Variants in DCP2 observed in about 807,000 individuals in gnomAD.
DCP2 encodes m7GpppN-mRNA hydrolase.
A neutral mutation model predicts 56.1 loss-of-function variants in DCP2; 30 were observed. The observed-to-expected ratio is 0.53, with a 90% CI of 0.40 to 0.73. The LOEUF (loss-of-function observed/expected upper bound fraction) is 0.73. DCP2 is among the 30% of genes least tolerant of loss of function. The probability of loss-of-function intolerance (pLI) is 0.00; values close to 1 mark genes in which losing one functional copy is unlikely to be tolerated. For missense variants in DCP2, 533 were observed against 502.7 expected, an observed-to-expected ratio of 1.06 and a Z score of -0.58; for synonymous variants, 197 against 163.3, an observed-to-expected ratio of 1.21 and a Z score of -1.57.
At chr5:113,003,163 T>TG (rs11482276) in intron 7 of DCP2, among the ~76,000 whole-genome samples, 113,849 of 151,614 alleles carry the variant, frequency 0.75, 42,946 homozygotes, top group African/African-American at 0.81. Flanking sequence ...AGTCAAAAGC[T>TG]GACTAATTCC....
Position 113,009,977 on chromosome 5 carries a change from T to C in DCP2, c.1048-779T>C, listed in dbSNP as rs190069785. 5.3e-5 allele frequency among the ~76,000 whole-genome samples: 8 copies of C among 150,172 alleles called. No individual in the cohort carries two copies. The East Asian group carries it at 1.6e-3, about 29-fold the overall frequency. On this transcript the variant is annotated intron_variant, in intron 9 of 10. Coordinates refer to ENST00000389063, the MANE Select transcript of DCP2 (RefSeq NM_152624.6). ...CTGTCGTCTAGAGTACAATGGCACG[T>C]ACATTGTTTACTGTAGCCTTGAACT... is the stretch of plus-strand genomic sequence containing the variant.
intron 9 of DCP2, among the ~76,000 whole-genome samples, chr5:113,010,017 A>G (rs1580835479): frequency 7.2e-6 from 1 of 139,034 alleles, no homozygotes; most frequent in African/African-American, 2.7e-5. Context: ...GGCTCAAGCC[A>G]TTTTCTTGCC....
At chr5:112,988,291 G>C (rs1196864116) in intron 2 of DCP2, among the ~76,000 whole-genome samples, 1 of 149,798 alleles carries the variant, frequency 6.7e-6, no homozygotes. Flanking sequence ...GACCATCCTG[G>C]CCAACACAGT....
intron 10 of DCP2, among the ~76,000 whole-genome samples, chr5:113,012,000 G>A (rs1286484054): frequency 2.0e-5 from 3 of 152,190 alleles, no homozygotes; most frequent in Non-Finnish European, 4.4e-5. Flanking sequence ...GAAAAGTTAT[G>A]GGGGTATAAG....
chr5:112,981,229 C>G (rs528869141), intron 1 of DCP2, among the ~76,000 whole-genome samples: 1 of 152,146 alleles, frequency 6.6e-6, no homozygotes, highest in African/African-American at 2.4e-5. Context: ...TGGTCTCAAA[C>G]GTACTTGTAG....
chr5:113,007,595 T>C (rs1580831486), intron 8 of DCP2, among the ~76,000 whole-genome samples: 1 of 151,702 alleles, frequency 6.6e-6, no homozygotes, highest in Non-Finnish European at 1.5e-5. Flanking sequence ...AGAGACGGGG[T>C]TTTGCTGTGT....
At chr5:113,011,414 C>T (rs1466043358) in intron 10 of DCP2, among the ~76,000 whole-genome samples, 1 of 152,130 alleles carries the variant, frequency 6.6e-6, no homozygotes, top group African/African-American at 2.4e-5. Context: ...GTAGAAAGCT[C>T]TTTGTTAAAT....
At chr5:112,983,545 A>G (rs1460375635) in intron 1 of DCP2, among the ~76,000 whole-genome samples, 2 of 152,226 alleles carry the variant, frequency 1.3e-5, no homozygotes, top group Non-Finnish European at 2.9e-5. Context: ...GACTCACAGT[A>G]GGATTGACTT....
intron 8 of DCP2, among the ~76,000 whole-genome samples, chr5:113,007,676 C>T (rs10038518): frequency 0.056 from 8,561 of 151,916 alleles, 788 homozygotes; most frequent in African/African-American, 0.2. Flanking sequence ...GGATTACAGG[C>T]ATGAGCCACT....
chr5:112,986,286 C>A (rs1277746629), intron 2 of DCP2, among the ~76,000 whole-genome samples: 1 of 151,954 alleles, frequency 6.6e-6, no homozygotes, highest in African/African-American at 2.4e-5. Flanking sequence ...CTGCATGTAA[C>A]CAGATGATCT....
intron 4 of DCP2, among the ~76,000 whole-genome samples, chr5:112,994,651 A>T (rs1226890482): frequency 1.3e-5 from 2 of 152,204 alleles, no homozygotes; most frequent in Admixed American, 1.3e-4. Context: ...TTTATCATGT[A>T]TCACACAATT....
chr5:113,008,168 T>C, intron 9 of DCP2, 126 bp downstream of exon 9: 1 of 756,676 alleles, frequency 1.3e-6, no homozygotes, highest in East Asian at 2.6e-5. Context: ...AGTAGGATTT[T>C]TGTGTAGCTG....
intron 7 of DCP2, among the ~76,000 whole-genome samples, chr5:113,002,765 C>G (rs1007375060): frequency 6.6e-6 from 1 of 152,168 alleles, no homozygotes; most frequent in Non-Finnish European, 1.5e-5. Context: ...TCCAGTGATC[C>G]TCCTGCCTCA....
intron 4 of DCP2, among the ~76,000 whole-genome samples, chr5:112,993,120 C>G (rs1748673556): frequency 6.6e-6 from 1 of 152,092 alleles, no homozygotes; most frequent in African/African-American, 2.4e-5. Context: ...GGCTTCCTGA[C>G]AAGTGCACAA....
intron 10 of DCP2, 103 bp downstream of exon 10, chr5:113,010,910 A>C: frequency 8.1e-7 from 1 of 1,230,710 alleles, no homozygotes; most frequent in East Asian, 2.4e-5. Context: ...ATAGTTAAGC[A>C]GGAAGAGTTG....
intron 1 of DCP2, among the ~76,000 whole-genome samples, chr5:112,985,094 T>G (rs1435027732): frequency 6.6e-6 from 1 of 152,104 alleles, no homozygotes; most frequent in Non-Finnish European, 1.5e-5. Context: ...CAAAAATGCT[T>G]AACATTGGAA....
At chr5:112,981,109 A>G (rs1011840431) in intron 1 of DCP2, among the ~76,000 whole-genome samples, 1 of 152,116 alleles carries the variant, frequency 6.6e-6, no homozygotes, top group East Asian at 1.9e-4. Flanking sequence ...CCTGGACTCA[A>G]GCTATCCACT....
In DCP2 at chr5:113,017,816, A is replaced by T. The variant is rs1338994143; in HGVS notation, c.*4332A>T. 2 of 152,214 alleles carry T rather than the reference A, an allele frequency of 1.3e-5. No homozygotes were observed. Among genetic ancestry groups the T allele is most frequent in the Non-Finnish European group, 2.9e-5 (2 of 68,034 alleles). The allele number at this position is 152,214 out of a possible 1,614,324, so 9.4% of individuals were successfully genotyped here. A position where few individuals can be genotyped will look rare whatever the true frequency, so the allele number is the denominator to read the frequency against. Reference sequence around the variant, plus strand: ...ATGGCCTAAGTGTAGTCATTCATATATATATGAATATCTATATCTATATCT... The same window carrying T: ...ATGGCCTAAGTGTAGTCATTCATATTTATATGAATATCTATATCTATATCT... On this transcript the variant is annotated 3_prime_UTR_variant, in exon 11 of 11. Coordinates refer to ENST00000389063, the MANE Select transcript of DCP2 (RefSeq NM_152624.6).
intron 4 of DCP2, among the ~76,000 whole-genome samples, chr5:112,993,787 C>G (rs2150177639): frequency 6.6e-6 from 1 of 152,168 alleles, no homozygotes; most frequent in East Asian, 1.9e-4. Flanking sequence ...GCCACCGCCA[C>G]CAACTAACTC....
Sources: gnomAD v4.1 joint callset for allele counts (sites outside exome capture counted in the v4.1 genomes callset) on GRCh38, gnomAD v4.1.1 for gene constraint, MANE v1.5 for transcripts, NCBI Gene and HGNC (gene_info 2026-07-23, HGNC 2026-07-21) for gene names.